ARHGEF28: variants seen among roughly 807,000 people sequenced by gnomAD.
The protein encoded by ARHGEF28 is Rho guanine nucleotide exchange factor 28.
A neutral mutation model predicts 206.6 loss-of-function variants in ARHGEF28; 152 were observed. The observed-to-expected ratio is 0.74, with a 90% CI of 0.64 to 0.84. The LOEUF (loss-of-function observed/expected upper bound fraction) is 0.84. Ranked by LOEUF, ARHGEF28 falls within the 40% of genes least tolerant of loss-of-function variation. The pLI, the probability that ARHGEF28 is intolerant of heterozygous loss-of-function variation, is 0.00. For missense variants in ARHGEF28, 2,028 were observed against 2,073.2 expected, an observed-to-expected ratio of 0.98 and a Z score of 0.42; for synonymous variants, 763 against 776.4, an observed-to-expected ratio of 0.98 and a Z score of 0.29.
chr5:73,909,589 C>T lies in ARHGEF28; in HGVS notation c.4339C>T (p.Leu1447Phe), dbSNP rs771503931. Residue 1447 changes from leucine to phenylalanine, a missense_variant, in exon 34 of 36, where the codon CTC (leucine) becomes TTC (phenylalanine). Physicochemically the swap from Leu to Phe is conservative, Grantham distance 22. Around this residue, in one of 3 missense-constraint regions of ARHGEF28, gnomAD observed 803 missense variants for 768.0 expected, o/e 1.05. Coordinates refer to ENST00000513042, the MANE Select transcript of ARHGEF28 (RefSeq NM_001177693.2). Reference protein sequence around the residue: ...LANVHQLQHQLQQEQRRWLRR... With the variant: ...LANVHQLQHQFQQEQRRWLRR... ...CAATGTGCACCAGCTTCAGCACCAG[C>T]TCCAGCAGGAGCAGCGGCGCTGGCT... 6.3e-5 allele frequency: 98 copies of T among 1,560,172 alleles called. No individual in the cohort carries two copies. The East Asian group carries it at 2.1e-3, about 34-fold the overall frequency.
At chr5:73,654,957 C>T (rs1745090757) in intron 1 of ARHGEF28, among the ~76,000 whole-genome samples, 1 of 152,108 alleles carries the variant, frequency 6.6e-6, no homozygotes, top group Non-Finnish European at 1.5e-5. Context: ...ATGTTCTGAG[C>T]CAGGATTTAG....
intron 14 of ARHGEF28, 148 bp from the exon 15 acceptor site, chr5:73,857,508 T>C: frequency 1.4e-6 from 1 of 728,116 alleles, no homozygotes; most frequent in East Asian, 3.0e-5. Context: ...TGAATTGTTT[T>C]TCTCTTTAGA....
intron 34 of ARHGEF28, 147 bp downstream of exon 34, chr5:73,910,044 T>G (rs769490911): frequency 5.1e-4 from 657 of 1,280,174 alleles, no homozygotes; most frequent in Non-Finnish European, 6.4e-4. Flanking sequence ...TAGCCAAAGC[T>G]GGAAGCTTTC....
intron 2 of ARHGEF28, among the ~76,000 whole-genome samples, chr5:73,706,901 A>C (rs143587923): frequency 6.6e-6 from 1 of 152,316 alleles, no homozygotes; most frequent in Non-Finnish European, 1.5e-5. Context: ...TGTATGAATA[A>C]TGTATGACTT....
At chr5:73,635,635 A>G (rs1248182044) in intron 1 of ARHGEF28, among the ~76,000 whole-genome samples, 14 of 152,212 alleles carry the variant, frequency 9.2e-5, no homozygotes, top group Non-Finnish European at 7.3e-5. Flanking sequence ...CACTCTGTGG[A>G]ATAACCTGTC....
At chr5:73,739,828 AAAAT>A (rs571150752) in intron 2 of ARHGEF28, among the ~76,000 whole-genome samples, 13,559 of 140,146 alleles carry the variant, frequency 0.097, 1,723 homozygotes, top group African/African-American at 0.3. Context: ...AATAATAATA[AAAAT>A]AAATAAATAA....
Position 73,882,546 on chromosome 5 carries a change from C to A in ARHGEF28, c.2889C>A (p.Asn963Lys). The A allele has an allele frequency of 6.6e-7, 1 of 1,518,438 alleles. No homozygotes were observed. The allele number at this position is 1,518,438 out of a possible 1,614,324, so 94.1% of individuals were successfully genotyped here. Residue 963 changes from asparagine to lysine, a missense_variant, in exon 23 of 36, where the codon AAC (asparagine) becomes AAA (lysine). By Grantham distance (94) the Asn-to-Lys change is moderately conservative. Coordinates refer to ENST00000513042, the MANE Select transcript of ARHGEF28 (RefSeq NM_001177693.2). ...EFCCHHKEAV[N>K]LFKELQQNKK... ...GTTGCCATCATAAAGAAGCTGTTAACCTCTTTAAAGAACTCCAGCAGAATA... is the reference window on the plus strand; with the variant it reads ...GTTGCCATCATAAAGAAGCTGTTAAACTCTTTAAAGAACTCCAGCAGAATA...
rs1742640836 is a variant in ARHGEF28, at chr5:73,941,759, C to T, written c.*746C>T. Reference sequence around the variant, plus strand: ...TCAGCTGTCCTGTCCCTGCCAGCACCTGGAGCACCAACTACCACTCCCTGG... The same window carrying T: ...TCAGCTGTCCTGTCCCTGCCAGCACTTGGAGCACCAACTACCACTCCCTGG... On this transcript the variant is annotated 3_prime_UTR_variant, in exon 36 of 36. Transcript: ENST00000513042. 1 of 152,230 alleles carries T rather than the reference C, an allele frequency of 6.6e-6. No homozygotes were observed. Among genetic ancestry groups the T allele is most frequent in the African/African-American group, 2.4e-5 (1 of 41,442 alleles). The allele number at this position is 152,230 out of a possible 1,614,324, so 9.4% of individuals were successfully genotyped here.
intron 10 of ARHGEF28, among the ~76,000 whole-genome samples, chr5:73,836,209 T>G (rs1757623462): frequency 6.6e-6 from 1 of 152,132 alleles, no homozygotes; most frequent in African/African-American, 2.4e-5. Context: ...TTTTAAATTT[T>G]TTTAGGAACT....
In ARHGEF28 at chr5:73,909,492, C is replaced by G. The variant is rs773833314; in HGVS notation, c.4242C>G (p.His1414Gln). ...LQQQEGLSLG[H>Q]SILRGGPLQD... ...AGCAGGAGGGCCTGTCTCTCGGCCACTCTATCCTCCGAGGCGGCCCCTTGC... is the reference window on the plus strand; with the variant it reads ...AGCAGGAGGGCCTGTCTCTCGGCCAGTCTATCCTCCGAGGCGGCCCCTTGC... Residue 1414 changes from histidine (H) to glutamine (Q), a missense_variant, in exon 34 of 36, where the codon CAC (histidine) becomes CAG (glutamine). By Grantham distance (24) the His-to-Gln change is conservative. Coordinates refer to ENST00000513042, the MANE Select transcript of ARHGEF28 (RefSeq NM_001177693.2). 2 of 1,611,722 alleles carry G rather than the reference C, an allele frequency of 1.2e-6. No homozygotes were observed. The highest frequency in any genetic ancestry group is 8.5e-7 in the Non-Finnish European group (1 of 1,179,182).
chr5:73,896,737 G>T lies in ARHGEF28; in HGVS notation c.3842-1225G>T, dbSNP rs149513458. Among the ~76,000 whole-genome samples, 1,041 of 152,340 alleles carry T rather than the reference G, an allele frequency of 6.8e-3. 2 individuals are homozygous for T. The highest frequency in any genetic ancestry group is 1.0e-2 in the Non-Finnish European group (678 of 68,022). On this transcript the variant is annotated intron_variant, in intron 29 of 35. Transcript: ENST00000513042. Reference sequence around the variant, plus strand: ...TCATTGTCTTTGATAAAGGCTTGATGAAATAAATCGCCCACTCTCAGTATC... The same window carrying T: ...TCATTGTCTTTGATAAAGGCTTGATTAAATAAATCGCCCACTCTCAGTATC...
chr5:73,645,365 C>T (rs896125363), intron 1 of ARHGEF28, among the ~76,000 whole-genome samples: 21 of 152,076 alleles, frequency 1.4e-4, no homozygotes, highest in Non-Finnish European at 2.8e-4. Flanking sequence ...GTTAGGGTTT[C>T]CAATCACTGG....
chr5:73,890,038 C>T (rs1761532521), intron 26 of ARHGEF28, among the ~76,000 whole-genome samples: 1 of 152,202 alleles, frequency 6.6e-6, no homozygotes, highest in African/African-American at 2.4e-5. Context: ...TGGGTTAGCC[C>T]TTTGCATTAC....
At chr5:73,913,066 G>C (rs1762992834) in intron 35 of ARHGEF28, among the ~76,000 whole-genome samples, 1 of 152,198 alleles carries the variant, frequency 6.6e-6, no homozygotes, top group African/African-American at 2.4e-5. Context: ...GCAGTAGATA[G>C]AAAATGTACT....
intron 1 of ARHGEF28, among the ~76,000 whole-genome samples, chr5:73,643,284 T>C (rs1744234424): frequency 6.6e-6 from 1 of 152,246 alleles, no homozygotes; most frequent in African/African-American, 2.4e-5. Flanking sequence ...TGAGTTATAA[T>C]ATTTTAGTTT....
intron 35 of ARHGEF28, among the ~76,000 whole-genome samples, chr5:73,936,388 TA>T (rs1309784688): frequency 1.4e-4 from 22 of 152,226 alleles, no homozygotes; most frequent in Non-Finnish European, 2.9e-4. Context: ...GCAATTACCT[TA>T]AAAACATGAT....
At chr5:73,627,203 C>A (rs1383392153) in intron 1 of ARHGEF28, 2 of 152,292 alleles carry the variant, frequency 1.3e-5, no homozygotes, top group Non-Finnish European at 2.9e-5. Flanking sequence ...CCGCCTTGAC[C>A]CCTGCCTGGG....
intron 1 of ARHGEF28, among the ~76,000 whole-genome samples, chr5:73,669,719 G>A (rs1746189752): frequency 6.6e-6 from 1 of 152,140 alleles, no homozygotes; most frequent in Admixed American, 6.5e-5. Context: ...TAGAGACAGA[G>A]TCTCACTCTG....
chr5:73,746,572 A>C (rs908968370), intron 2 of ARHGEF28, among the ~76,000 whole-genome samples: 1 of 152,160 alleles, frequency 6.6e-6, no homozygotes, highest in Admixed American at 6.5e-5. Flanking sequence ...TTATTCAATA[A>C]TGAAAACTTT....
Sources: gnomAD v4.1 joint callset for allele counts (sites outside exome capture counted in the v4.1 genomes callset) on GRCh38, gnomAD v4.1.1 for gene constraint, gnomAD v4.1.1 regional missense constraint, MANE v1.5 for transcripts, NCBI Gene and HGNC (gene_info 2026-07-23, HGNC 2026-07-21) for gene names.